VPS37C: variants seen among roughly 807,000 people sequenced by gnomAD.
VPS37C encodes the protein vacuolar protein sorting-associated protein 37C.
Under a neutral mutation model 16.1 loss-of-function variants are expected in VPS37C, and 9 were observed. The ratio of observed to expected loss-of-function variants is 0.56; its 90% CI spans 0.34 to 0.97. VPS37C has a LOEUF of 0.97. VPS37C is among the 50% of genes least tolerant of loss of function. The pLI is 0.02. For synonymous variants in VPS37C, 207 were observed against 206.4 expected (o/e 1.00, Z -0.02); for missense variants, 479 against 472.7 (o/e 1.01, Z -0.12).
At chr11:61,144,718 G>A (rs1251351871) in intron 1 of VPS37C, 1 of 152,358 alleles carries the variant, frequency 6.6e-6, no homozygotes. Context: ...GAGTGCCCAA[G>A]CTCTGGCCAG....
At chr11:61,137,044 GA>G (rs1861389289) in intron 2 of VPS37C, among the ~76,000 whole-genome samples, 1 of 152,034 alleles carries the variant, frequency 6.6e-6, no homozygotes, top group Non-Finnish European at 1.5e-5. Flanking sequence ...CAAAGTGGGA[GA>G]TAAAACCATT....
intron 1 of VPS37C, among the ~76,000 whole-genome samples, chr11:61,140,267 C>T (rs1052508977): frequency 3.3e-5 from 5 of 152,060 alleles, no homozygotes; most frequent in African/African-American, 1.2e-4. Context: ...TCCCCATTTG[C>T]AGTAGGAAGC....
intron 1 of VPS37C, among the ~76,000 whole-genome samples, chr11:61,151,419 G>A (rs1250657104): frequency 6.6e-6 from 1 of 152,212 alleles, no homozygotes; most frequent in East Asian, 1.9e-4. Flanking sequence ...CTCTGCAGGG[G>A]AGACCCAGGG....
Position 61,131,449 on chromosome 11 carries a change from C to A in VPS37C, c.*371G>T. ...ATGGAGGGGGCTGGAGACCCGGGGC[C>A]TCCTCATAGAGATAACTCTGCACTG... On this transcript the variant is annotated 3_prime_UTR_variant, in exon 5 of 5. Coordinates refer to ENST00000301765, the MANE Select transcript of VPS37C (RefSeq NM_017966.5). 1 of 193,286 alleles carries A rather than the reference C, an allele frequency of 5.2e-6. No individual in the cohort carries two copies. The highest frequency in any genetic ancestry group is 1.0e-5 in the Non-Finnish European group (1 of 95,508). 12.0% of individuals were successfully genotyped at this position (193,286 alleles called of 1,614,324 possible). A position where few individuals can be genotyped will look rare whatever the true frequency, so the allele number is the denominator to read the frequency against.
Position 61,132,177 on chromosome 11 carries a change from G to A in VPS37C, c.711C>T (p.Tyr237=), listed in dbSNP as rs759810205. The A allele has an allele frequency of 1.4e-5, 21 of 1,479,760 alleles. No homozygotes were observed. The highest frequency in any genetic ancestry group is 7.1e-5 in the African/African-American group (5 of 70,598). 91.7% of individuals were successfully genotyped at this position (1,479,760 alleles called of 1,614,324 possible). The change falls in exon 5 of 5, where the codon TAC becomes TAT. Residue 237 remains tyrosine (Y), a synonymous_variant. Coordinates refer to ENST00000301765, the MANE Select transcript of VPS37C (RefSeq NM_017966.5). ...PFPVVSQPSF[Y]SGPLGPTYPA... is the part of the protein sequence containing the mutation. ...GGTAAGTGGGGCCCAGAGGCCCGCTGTAGAAGGAGGGCTGGGACACTACTG... is the reference window on the plus strand; with the variant it reads ...GGTAAGTGGGGCCCAGAGGCCCGCTATAGAAGGAGGGCTGGGACACTACTG...
chr11:61,135,947 T>C (rs1450879451), intron 2 of VPS37C, among the ~76,000 whole-genome samples: 2 of 152,222 alleles, frequency 1.3e-5, no homozygotes, highest in Non-Finnish European at 2.9e-5. Flanking sequence ...ACAGCCTTCT[T>C]ACATCTTTCT....
intron 2 of VPS37C, among the ~76,000 whole-genome samples, chr11:61,135,723 A>C (rs575412033): frequency 2.0e-5 from 3 of 152,152 alleles, no homozygotes; most frequent in East Asian, 3.9e-4. Flanking sequence ...CGTGACTCTC[A>C]ATCTAATTTT....
chr11:61,134,279 G>T, intron 2 of VPS37C, 72 bp from the exon 3 acceptor site: 1 of 1,520,726 alleles, frequency 6.6e-7, no homozygotes. Context: ...CTGGGTCAGG[G>T]GCTTCGGGGA....
intron 1 of VPS37C, among the ~76,000 whole-genome samples, chr11:61,143,148 T>G (rs188562550): frequency 6.6e-6 from 1 of 151,692 alleles, no homozygotes; most frequent in Non-Finnish European, 1.5e-5. Context: ...TTTGCTGCTA[T>G]GAGGACCCTG....
At chr11:61,155,869 CTATT>C (rs1464342518) in intron 1 of VPS37C, among the ~76,000 whole-genome samples, 22 of 152,254 alleles carry the variant, frequency 1.4e-4, no homozygotes, top group African/African-American at 5.3e-4. Context: ...AAATAATTGA[CTATT>C]TAAAGCAAAA....
In VPS37C at chr11:61,131,873, C is replaced by T. The variant is rs751695084; in HGVS notation, c.1015G>A (p.Ala339Thr). The change falls in exon 5 of 5, where the codon GCC becomes ACC. Residue 339 changes from alanine to threonine, a missense_variant. Physicochemically the swap from Ala to Thr is moderately conservative, Grantham distance 58. Transcript: ENST00000301765. ...GGTGGTGGGAACCCATAGGGAGGGG[C>T]GGGCCCGGGGGGATAAGGGGGCTGC... Reference protein sequence around the residue: ...PLQPPYPPGPAPPYGFPPPPG... With the variant: ...PLQPPYPPGPTPPYGFPPPPG... The T allele has an allele frequency of 4.6e-5, 45 of 968,574 alleles. No individual in the cohort carries two copies. Among genetic ancestry groups the T allele is most frequent in the Middle Eastern group, 7.1e-4 (2 of 2,824 alleles). The allele number at this position is 968,574 out of a possible 1,614,324, so 60.0% of individuals were successfully genotyped here.
At chr11:61,142,516 G>A (rs1284182469) in intron 1 of VPS37C, among the ~76,000 whole-genome samples, 1 of 152,240 alleles carries the variant, frequency 6.6e-6, no homozygotes, top group Non-Finnish European at 1.5e-5. Flanking sequence ...TAACAGGTGT[G>A]AGCCACCACA....
At chr11:61,159,532 C>T (rs779305246) in intron 1 of VPS37C, among the ~76,000 whole-genome samples, 1 of 152,198 alleles carries the variant, frequency 6.6e-6, no homozygotes, top group East Asian at 1.9e-4. Flanking sequence ...CAGTGGCTCA[C>T]ACCTGTAATC....
chr11:61,149,724 G>A (rs935044989), intron 1 of VPS37C, among the ~76,000 whole-genome samples: 2 of 152,164 alleles, frequency 1.3e-5, no homozygotes, highest in African/African-American at 4.8e-5. Context: ...TCTCTCATAG[G>A]GAAATTGCTT....
intron 1 of VPS37C, among the ~76,000 whole-genome samples, chr11:61,158,900 A>G (rs1348907824): frequency 6.6e-6 from 1 of 152,274 alleles, no homozygotes; most frequent in Non-Finnish European, 1.5e-5. Context: ...AACCTCAGAC[A>G]GTGCTGCCAT....
intron 1 of VPS37C, among the ~76,000 whole-genome samples, chr11:61,142,282 A>ATCT (rs1194213034): frequency 1.3e-5 from 2 of 152,238 alleles, no homozygotes; most frequent in Non-Finnish European, 2.9e-5. Flanking sequence ...CTCAGGCTAG[A>ATCT]GTGCAATGGC....
intron 4 of VPS37C, chr11:61,132,933 G>A: frequency 1.9e-6 from 1 of 530,484 alleles, no homozygotes; most frequent in East Asian, 3.4e-5. Flanking sequence ...TGAAGAGGTG[G>A]CCGGAGGGAA....
intron 1 of VPS37C, among the ~76,000 whole-genome samples, chr11:61,146,457 G>A (rs558096527): frequency 6.6e-6 from 1 of 152,262 alleles, no homozygotes; most frequent in Non-Finnish European, 1.5e-5. Flanking sequence ...GAGACCAACA[G>A]AGTGAGGAGG....
rs1861237873 is a variant in VPS37C at position 61,130,723 on chromosome 11, C to T, written c.*1097G>A. The T allele has an allele frequency of 2.4e-6, 1 of 411,166 alleles. No individual in the cohort carries two copies. The highest frequency in any genetic ancestry group is 1.7e-5 in the South Asian group (1 of 57,706). The allele number at this position is 411,166 out of a possible 1,614,324, so 25.5% of individuals were successfully genotyped here. On this transcript the variant is annotated 3_prime_UTR_variant, in exon 5 of 5. Transcript: ENST00000301765. ...GCATATTAAACAGAGACATAATCCC[C>T]ACCCTTTACATTCTGAAGACAGGGA...
Sources: gnomAD v4.1 joint callset for allele counts (sites outside exome capture counted in the v4.1 genomes callset) on GRCh38, gnomAD v4.1.1 for gene constraint, MANE v1.5 for transcripts, NCBI Gene and HGNC (gene_info 2026-07-23, HGNC 2026-07-21) for gene names.